Variants in UGT1A4 observed in about 807,000 individuals in gnomAD.
UGT1A4 encodes the protein UDP-glucuronosyltransferase 1A4.
A neutral mutation model predicts 41.1 loss-of-function variants in UGT1A4; 32 were observed. The ratio of observed to expected loss-of-function variants is 0.78; its 90% CI spans 0.59 to 1.05. The LOEUF is 1.05. UGT1A4 is among the 50% of genes least tolerant of loss of function. UGT1A4 has a pLI of 0.00. For synonymous variants in UGT1A4, 283 were observed against 265.1 expected (o/e 1.07, Z -0.66); for missense variants, 748 against 677.4 (o/e 1.10, Z -1.16).
intron 1 of UGT1A4, chr2:233,729,644 T>A: frequency 5.6e-6 from 9 of 1,613,954 alleles, no homozygotes; most frequent in Non-Finnish European, 7.6e-6. Flanking sequence ...GTGTTTTTTT[T>A]GAGGAACATT....
rs1159793731 is a variant in UGT1A4, at chr2:233,751,025, T to C, written c.868-16009T>C. Reference sequence around the variant, plus strand: ...CCAGAATCCCAAATAGTAGATCCAATAGCTTGCACTGTGTGCCTGGAAAAG... The same window carrying C: ...CCAGAATCCCAAATAGTAGATCCAACAGCTTGCACTGTGTGCCTGGAAAAG... On this transcript the variant is annotated intron_variant, in intron 1 of 4. Transcript: ENST00000373409. 8.6e-5 allele frequency among the ~76,000 whole-genome samples: 13 copies of C among 151,868 alleles called. 1 individual carries two copies. Among genetic ancestry groups the C allele is most frequent in the African/African-American group, 2.2e-4 (9 of 41,208 alleles).
At chr2:233,724,991 G>A (rs997879259) in intron 1 of UGT1A4, among the ~76,000 whole-genome samples, 1 of 144,104 alleles carries the variant, frequency 6.9e-6, no homozygotes, top group African/African-American at 2.7e-5. Context: ...GCGGTTAGGG[G>A]CTGGAGACCG....
intron 1 of UGT1A4, chr2:233,753,714 C>T (rs1422893106): frequency 1.3e-5 from 2 of 152,222 alleles, no homozygotes; most frequent in Non-Finnish European, 2.9e-5. Flanking sequence ...TTTCATCAAC[C>T]TAATTTGATA....
chr2:233,747,923 G>A (rs1349241680), intron 1 of UGT1A4: 2 of 1,613,414 alleles, frequency 1.2e-6, no homozygotes, highest in Non-Finnish European at 1.7e-6. Flanking sequence ...TTGCCTCTGA[G>A]CTTTTTCAGA....
intron 1 of UGT1A4, among the ~76,000 whole-genome samples, chr2:233,763,849 G>A (rs1198525346): frequency 6.6e-6 from 1 of 152,198 alleles, no homozygotes; most frequent in East Asian, 1.9e-4. Context: ...GATAGCAGTG[G>A]TTCACAGACA....
Position 233,769,856 on chromosome 2 carries a change from TCAA to T in UGT1A4, c.1307+1418_1307+1420del. Reference sequence around the variant, plus strand: ...CTGGGCAACAGAGTGAGACCCTGTCTCAAAAAAAAAAAAAAAAATGAAAAGTCC... The same window carrying T: ...CTGGGCAACAGAGTGAGACCCTGTCTAAAAAAAAAAAAAAATGAAAAGTCC... On this transcript the variant is annotated intron_variant, in intron 4 of 4. Coordinates refer to ENST00000373409, the MANE Select transcript of UGT1A4 (RefSeq NM_007120.3). The surrounding 1 kb of genome is among the most constrained non-coding windows in gnomAD (Gnocchi z 4.4). 3.1e-6 allele frequency: 1 copy of T among 322,450 alleles called. No homozygotes were observed. Among genetic ancestry groups the T allele is most frequent in the Non-Finnish European group, 5.0e-6 (1 of 199,356 alleles). The allele number at this position is 322,450 out of a possible 1,614,324, so 20.0% of individuals were successfully genotyped here.
intron 1 of UGT1A4, chr2:233,743,097 G>A: frequency 2.8e-6 from 1 of 351,688 alleles, no homozygotes; most frequent in Non-Finnish European, 5.6e-6. Flanking sequence ...AAATTCTTGG[G>A]TACAGCTGTT....
intron 1 of UGT1A4, among the ~76,000 whole-genome samples, chr2:233,758,340 C>G (rs1004425999): frequency 6.6e-6 from 1 of 152,226 alleles, no homozygotes; most frequent in Non-Finnish European, 1.5e-5. Flanking sequence ...CTTGGAAGCT[C>G]TGCATGATGC....
intron 1 of UGT1A4, among the ~76,000 whole-genome samples, chr2:233,761,431 T>C (rs1333766106): frequency 6.6e-6 from 1 of 152,234 alleles, no homozygotes; most frequent in Non-Finnish European, 1.5e-5. Context: ...TTAAATGCCA[T>C]AGGCACAGAA....
chr2:233,737,366 G>T (rs1427441917), intron 1 of UGT1A4, among the ~76,000 whole-genome samples: 1 of 152,256 alleles, frequency 6.6e-6, no homozygotes, highest in Non-Finnish European at 1.5e-5. Context: ...GCTAAGCCAG[G>T]CAGGGGAGAG....
intron 1 of UGT1A4, chr2:233,747,968 A>G: frequency 6.2e-7 from 1 of 1,613,402 alleles, no homozygotes; most frequent in African/African-American, 1.3e-5. Context: ...TCAGCCATGC[A>G]TCTGTGTGGC....
At chr2:233,758,936 A>G (rs3755319) in intron 1 of UGT1A4, among the ~76,000 whole-genome samples, 2 of 152,038 alleles carry the variant, frequency 1.3e-5, no homozygotes, top group Non-Finnish European at 2.9e-5. Context: ...TTGACTTCAA[A>G]TCAGTCATCA....
chr2:233,721,002 A>G (rs1257155820), intron 1 of UGT1A4, among the ~76,000 whole-genome samples: 2 of 152,002 alleles, frequency 1.3e-5, no homozygotes, highest in African/African-American at 2.4e-5. Context: ...AGAGCCACCA[A>G]GCCCAGTGAG....
intron 1 of UGT1A4, chr2:233,747,084 A>G: frequency 8.6e-7 from 1 of 1,158,212 alleles, no homozygotes; most frequent in Non-Finnish European, 1.2e-6. Flanking sequence ...AACTAGGAGG[A>G]GAGCACTCTA....
chr2:233,761,187 T>C, intron 1 of UGT1A4: 1 of 1,614,214 alleles, frequency 6.2e-7, no homozygotes, highest in Non-Finnish European at 8.5e-7. Context: ...ATGCGTATAT[T>C]CTTTCAGATG....
At position 233,719,785 on chromosome 2, in the gene UGT1A4, A is replaced by G. The variant is rs1575529784; in HGVS notation, c.867+98A>G. 1.1e-5 allele frequency: 18 copies of G among 1,610,188 alleles called. No homozygotes were observed. In the East Asian group the frequency reaches 3.8e-4, roughly 34 times the overall value. ...TGCTTCCATATCTACTTATCTTTCC[A>G]AAGATTTTATTTTGGCTTCTTTATA... On this transcript the variant is annotated intron_variant, in intron 1 of 4. Transcript: ENST00000373409.
intron 1 of UGT1A4, among the ~76,000 whole-genome samples, chr2:233,749,753 G>C (rs1694269310): frequency 1.3e-5 from 2 of 151,876 alleles, no homozygotes; most frequent in South Asian, 2.1e-4. Flanking sequence ...TAGTGAGTGA[G>C]TTCTTATGAG....
chr2:233,730,151 G>T (rs947267148), intron 1 of UGT1A4, among the ~76,000 whole-genome samples: 3 of 152,154 alleles, frequency 2.0e-5, no homozygotes, highest in Admixed American at 2.0e-4. Flanking sequence ...AACTGTTAAG[G>T]GGTCTCTAGT....
intron 1 of UGT1A4, among the ~76,000 whole-genome samples, chr2:233,733,535 T>G (rs1019669539): frequency 5.4e-4 from 82 of 152,358 alleles, no homozygotes; most frequent in Non-Finnish European, 5.9e-5. Flanking sequence ...TTAATTTTGT[T>G]GAAGGCCTTT....
Sources: gnomAD v4.1 joint callset for allele counts (sites outside exome capture counted in the v4.1 genomes callset) on GRCh38, gnomAD v4.1.1 for gene constraint, Gnocchi (gnomAD v3.1) non-coding constraint, MANE v1.5 for transcripts, NCBI Gene and HGNC (gene_info 2026-07-23, HGNC 2026-07-21) for gene names.